PCDH7: variants seen among roughly 807,000 people sequenced by gnomAD.
The protein encoded by PCDH7 is protocadherin 7, also known as protocadherin-7.
A neutral mutation model predicts 58.9 loss-of-function variants in PCDH7; 17 were observed. The ratio of observed to expected loss-of-function variants is 0.29; its 90% confidence interval spans 0.20 to 0.43. PCDH7 has a LOEUF of 0.43. Ranked by LOEUF, PCDH7 falls within the 20% of genes least tolerant of loss-of-function variation. PCDH7 has a pLI of 1.00. For synonymous variants in PCDH7, 664 were observed against 616.4 expected (o/e 1.08, Z -1.14); for missense variants, 1,274 against 1,441.0 (o/e 0.88, Z 1.88).
At chr4:30,760,517 G>A (rs1055737983) in intron 1 of PCDH7, among the ~76,000 whole-genome samples, 5 of 152,050 alleles carry the variant, frequency 3.3e-5, no homozygotes, top group African/African-American at 9.7e-5. Flanking sequence ...CAAAATCAAT[G>A]TGCAGAAATC....
chr4:31,078,145 G>T (rs1038633113), intron 3 of PCDH7, among the ~76,000 whole-genome samples: 1 of 152,134 alleles, frequency 6.6e-6, no homozygotes. Context: ...AAAGTGGAAG[G>T]AATTAATGTA....
At chr4:30,996,560 T>G (rs1751918692) in intron 3 of PCDH7, among the ~76,000 whole-genome samples, 1 of 152,060 alleles carries the variant, frequency 6.6e-6, no homozygotes, top group South Asian at 2.1e-4. Context: ...CCTTTCGAGA[T>G]CATCTTGGGA....
At position 30,922,113 on chromosome 4, in the gene PCDH7, C is replaced by T. The variant is rs530384888; in HGVS notation, c.287+1744C>T. 1.8e-4 allele frequency among the ~76,000 whole-genome samples: 27 copies of T among 151,108 alleles called. 1 individual carries two copies. In the South Asian group the frequency reaches 4.4e-3, roughly 25 times the overall value. Reference sequence around the variant, plus strand: ...AGTGTATTACGTTACATATGTGTAACGTGTAATTACGTATGTGTGATATAT... The same window carrying T: ...AGTGTATTACGTTACATATGTGTAATGTGTAATTACGTATGTGTGATATAT... On this transcript the variant is annotated intron_variant, in intron 2 of 3. Transcript: ENST00000509759.
chr4:30,741,385 G>A (rs1228972923), intron 1 of PCDH7, among the ~76,000 whole-genome samples: 2 of 151,886 alleles, frequency 1.3e-5, no homozygotes, highest in Non-Finnish European at 2.9e-5. Flanking sequence ...ATAGAGACAG[G>A]GTTTCGCCAC....
At chr4:31,057,010 T>A (rs1404116420) in intron 3 of PCDH7, among the ~76,000 whole-genome samples, 1 of 152,216 alleles carries the variant, frequency 6.6e-6, no homozygotes, top group Non-Finnish European at 1.5e-5. Flanking sequence ...TTAGAAAATT[T>A]CAGTGTTTAG....
At chr4:30,889,712 G>T (rs944786544) in intron 1 of PCDH7, among the ~76,000 whole-genome samples, 9 of 152,112 alleles carry the variant, frequency 5.9e-5, no homozygotes, top group African/African-American at 2.2e-4. Flanking sequence ...GTCTCATATG[G>T]TGTAAGGAGC....
At chr4:30,743,975 T>C (rs1246619096) in intron 1 of PCDH7, among the ~76,000 whole-genome samples, 1 of 152,158 alleles carries the variant, frequency 6.6e-6, no homozygotes, top group African/African-American at 2.4e-5. Context: ...TACTTGGCAA[T>C]CTTCCTGAAA....
intron 1 of PCDH7, among the ~76,000 whole-genome samples, chr4:30,840,717 A>G (rs749706402): frequency 5.9e-5 from 9 of 152,122 alleles, no homozygotes; most frequent in Non-Finnish European, 1.3e-4. Context: ...ATATTTTAAG[A>G]GATGGCAAAA....
At chr4:30,856,837 C>T (rs970772455) in intron 1 of PCDH7, among the ~76,000 whole-genome samples, 4 of 151,930 alleles carry the variant, frequency 2.6e-5, no homozygotes, top group Admixed American at 6.6e-5. Flanking sequence ...TCAAAATTCA[C>T]ATTTTTACTG....
At chr4:30,992,517 C>G (rs1751538865) in intron 3 of PCDH7, among the ~76,000 whole-genome samples, 1 of 152,104 alleles carries the variant, frequency 6.6e-6, no homozygotes, top group South Asian at 2.1e-4. Flanking sequence ...TCTTGAGCTT[C>G]CAGTTTTTAC....
intron 1 of PCDH7, among the ~76,000 whole-genome samples, chr4:30,729,506 A>G (rs1715168902): frequency 6.6e-6 from 1 of 152,062 alleles, no homozygotes; most frequent in African/African-American, 2.4e-5. Context: ...AACATGGTTA[A>G]GAACATATAT....
At chr4:31,069,720 C>T (rs1758385761) in intron 3 of PCDH7, among the ~76,000 whole-genome samples, 1 of 151,830 alleles carries the variant, frequency 6.6e-6, no homozygotes, top group African/African-American at 2.4e-5. Flanking sequence ...TCTTATTAGA[C>T]CACCTGTTCA....
intron 1 of PCDH7, among the ~76,000 whole-genome samples, chr4:30,893,169 T>C (rs1010423133): frequency 4.6e-5 from 7 of 152,062 alleles, no homozygotes; most frequent in African/African-American, 1.2e-4. Flanking sequence ...TATCTCAAAA[T>C]TGGAAGCATC....
chr4:31,067,651 G>T (rs573359422), intron 3 of PCDH7, among the ~76,000 whole-genome samples: 1 of 151,900 alleles, frequency 6.6e-6, no homozygotes, highest in Non-Finnish European at 1.5e-5. Context: ...TATGAAATGA[G>T]TAAGAAGTAA....
At chr4:30,745,048 T>C (rs1717587116) in intron 1 of PCDH7, among the ~76,000 whole-genome samples, 1 of 152,052 alleles carries the variant, frequency 6.6e-6, no homozygotes, top group Admixed American at 6.6e-5. Flanking sequence ...AGATTGAAAA[T>C]AGAGGGACAG....
chr4:30,956,051 CA>C (rs1365126991), intron 3 of PCDH7, among the ~76,000 whole-genome samples: 5 of 137,758 alleles, frequency 3.6e-5, no homozygotes, highest in African/African-American at 1.1e-4. Flanking sequence ...AAAAAAAAAG[CA>C]AAAAAAAAAC....
intron 3 of PCDH7, among the ~76,000 whole-genome samples, chr4:31,056,941 T>C (rs1291638155): frequency 1.3e-5 from 2 of 152,158 alleles, no homozygotes; most frequent in Non-Finnish European, 2.9e-5. Flanking sequence ...TTTAAATATG[T>C]ATGTTTGTCA....
chr4:31,105,505 C>G (rs1051438576), intron 3 of PCDH7, among the ~76,000 whole-genome samples: 3 of 152,038 alleles, frequency 2.0e-5, no homozygotes, highest in African/African-American at 7.2e-5. Context: ...GGGCTCTATA[C>G]CCTGGAGGTG....
Position 31,136,448 on chromosome 4 carries a change from G to A in PCDH7, c.*8-6025G>A, listed in dbSNP as rs553454322. ...CTCCTGCTCTTTTTAAAAGTTCATT[G>A]CTCTTTGCAGGAAGGGCCCAGGAAT... On this transcript the variant is annotated intron_variant, in intron 3 of 3. Coordinates refer to the PCDH7 transcript ENST00000509759. 2.0e-5 allele frequency among the ~76,000 whole-genome samples: 3 copies of A among 152,262 alleles called. No individual in the cohort carries two copies. In the South Asian group the frequency reaches 6.2e-4, roughly 32 times the overall value.
Sources: allele counts gnomAD v4.1 joint callset (sites outside exome capture counted in the v4.1 genomes callset), GRCh38; gene constraint gnomAD v4.1.1; transcripts MANE v1.5; gene names NCBI Gene and HGNC (gene_info 2026-07-23, HGNC 2026-07-21).